The following MAU2 variants were observed in gnomAD, a reference collection of about 807,000 sequenced individuals.
MAU2 encodes MAU2 chromatid cohesion factor homolog.
MAU2 carries 9 observed loss-of-function variants against 89.1 expected under a neutral mutation model. The ratio of observed to expected loss-of-function variants is 0.10; its 90% CI spans 0.06 to 0.18. The LOEUF is 0.18. MAU2 is among the 10% of genes least tolerant of loss of function. MAU2 has a pLI of 1.00. For synonymous variants in MAU2, 357 were observed against 343.4 expected (o/e 1.04, Z -0.44); for missense variants, 425 against 803.5 (o/e 0.53, Z 5.69).
chr19:19,345,485 C>T lies in MAU2; in HGVS notation c.1221+116C>T. ...TAGGTCAGCTATGCAAAGCCGCAGC[C>T]CCAGAGGCAATGCACAGTAGTCAGC... On this transcript the variant is annotated intron_variant, in intron 12 of 18. Coordinates refer to ENST00000262815, the MANE Select transcript of MAU2 (RefSeq NM_015329.4). This position sits in a 1 kb window ranked among gnomAD's most constrained non-coding sequence, Gnocchi z 4.9. 1 of 985,620 alleles carries T rather than the reference C, an allele frequency of 1.0e-6. No individual in the cohort carries two copies. The highest frequency in any genetic ancestry group is 1.6e-6 in the Non-Finnish European group (1 of 634,054). The allele number at this position is 985,620 out of a possible 1,614,324, so 61.1% of individuals were successfully genotyped here. A position where few individuals can be genotyped will look rare whatever the true frequency, so the allele number is the denominator to read the frequency against.
chr19:19,344,951 C>T (rs200693842), intron 11 of MAU2, 25 bp downstream of exon 11: 641 of 1,605,996 alleles, frequency 4.0e-4, no homozygotes, highest in Non-Finnish European at 5.3e-4. Flanking sequence ...GACAACACCC[C>T]GGGAGAATCC....
chr19:19,345,293 C>T lies in MAU2; in HGVS notation c.1156-11C>T, dbSNP rs753184328. On this transcript the variant is annotated splice_polypyrimidine_tract_variant and intron_variant, in intron 11 of 18. Coordinates refer to ENST00000262815, the MANE Select transcript of MAU2 (RefSeq NM_015329.4). This position sits in a 1 kb window ranked among gnomAD's most constrained non-coding sequence, Gnocchi z 4.9. ...GGGGCCGGCCCTGATGACAACACCA[C>T]CTTCTTCCAGGGCCTGTACTGTGTC... The T allele has an allele frequency of 4.3e-6, 7 of 1,613,210 alleles. No individual in the cohort carries two copies. The South Asian group carries it at 7.7e-5, about 18-fold the overall frequency.
At chr19:19,353,021 C>G (rs182658932) in intron 16 of MAU2, 1 of 152,602 alleles carries the variant, frequency 6.6e-6, no homozygotes, top group Non-Finnish European at 1.5e-5. Flanking sequence ...GCAGGGGCTG[C>G]CACAGAGATG....
chr19:19,337,580 C>T (rs1268869029), intron 4 of MAU2, among the ~76,000 whole-genome samples: 1 of 152,216 alleles, frequency 6.6e-6, no homozygotes. Context: ...GTTCCCCTCC[C>T]TCCCAGCCGT....
chr19:19,337,374 G>T (rs535357529), intron 4 of MAU2, 109 bp downstream of exon 4: 2 of 833,116 alleles, frequency 2.4e-6, no homozygotes, highest in Non-Finnish European at 4.0e-6. Flanking sequence ...AGACCCCCTC[G>T]GGCTGGCACA....
chr19:19,325,561 A>G (rs371792005), intron 1 of MAU2, among the ~76,000 whole-genome samples: 99 of 140,498 alleles, frequency 7.0e-4, no homozygotes, highest in African/African-American at 2.5e-3. Context: ...CTCACTGCAT[A>G]CTCCACCTCC....
At position 19,355,712 on chromosome 19, in the gene MAU2, C is replaced by G; in HGVS notation, c.1772C>G (p.Thr591Arg). The G allele has an allele frequency of 6.2e-7, 1 of 1,609,900 alleles. No individual in the cohort carries two copies. Among genetic ancestry groups the G allele is most frequent in the Non-Finnish European group, 8.5e-7 (1 of 1,179,234 alleles). ...SLPEHNLITW[T>R]DGPPPVQFQA... ...CATGTCCTCTCCTCCCCACAGTGGACAGACGGTCCACCCCCCGTGCAGTTC... is the reference window on the plus strand; with the variant it reads ...CATGTCCTCTCCTCCCCACAGTGGAGAGACGGTCCACCCCCCGTGCAGTTC... The change falls in exon 19 of 19, where the codon ACA becomes AGA. Residue 591 changes from threonine (T) to arginine (R), a missense_variant. Around this residue, in one of 11 missense-constraint regions of MAU2, gnomAD observed 42 missense variants for 42.4 expected, o/e 0.99. Coordinates refer to ENST00000262815, the MANE Select transcript of MAU2 (RefSeq NM_015329.4).
chr19:19,344,948 C>T (rs755544796), intron 11 of MAU2, 22 bp downstream of exon 11: 3 of 1,608,594 alleles, frequency 1.9e-6, no homozygotes, highest in African/African-American at 2.7e-5. Flanking sequence ...TGTGACAACA[C>T]CCCGGGAGAA....
In MAU2 at chr19:19,355,979, T is replaced by G. The variant is rs150977551; in HGVS notation, c.*197T>G. On this transcript the variant is annotated 3_prime_UTR_variant, in exon 19 of 19. Transcript: ENST00000262815. Reference sequence around the variant, plus strand: ...TCCCACCTCGCAGCAGGACCCCCAGTGCAGAGGCTCACAGGTGGCACACAG... The same window carrying G: ...TCCCACCTCGCAGCAGGACCCCCAGGGCAGAGGCTCACAGGTGGCACACAG... 529 of 689,356 alleles carry G rather than the reference T, an allele frequency of 7.7e-4. No homozygotes were observed. Among genetic ancestry groups the G allele is most frequent in the Non-Finnish European group, 1.2e-3 (467 of 377,756 alleles). 42.7% of individuals were successfully genotyped at this position (689,356 alleles called of 1,614,324 possible).
Position 19,347,773 on chromosome 19 carries a change from G to T in MAU2, c.1308+407G>T, listed in dbSNP as rs951026476. The T allele has an allele frequency of 1.8e-5, 3 of 164,006 alleles. No homozygotes were observed. The Admixed American group carries it at 1.9e-4, about 10-fold the overall frequency. The allele number at this position is 164,006 out of a possible 1,614,324, so 10.2% of individuals were successfully genotyped here. The stretch of plus-strand genomic sequence containing the variant: ...GCAGGATCAGGGGCACTCACTGGCT[G>T]CAGTGTTGGGTGGGGATGCCCAGGG... On this transcript the variant is annotated intron_variant, in intron 13 of 18. Coordinates refer to ENST00000262815, the MANE Select transcript of MAU2 (RefSeq NM_015329.4).
chr19:19,336,882 G>A (rs1317041990), intron 3 of MAU2, among the ~76,000 whole-genome samples: 5 of 152,210 alleles, frequency 3.3e-5, no homozygotes, highest in African/African-American at 1.2e-4. Context: ...CATAAAAGAA[G>A]GGAACTGGCG....
chr19:19,344,000 C>A, intron 10 of MAU2, 60 bp downstream of exon 10: 1 of 1,392,230 alleles, frequency 7.2e-7, no homozygotes, highest in Non-Finnish European at 1.0e-6. Flanking sequence ...TCAGCAGTGT[C>A]AGACAAGAGA....
At chr19:19,343,992 A>G in intron 10 of MAU2, 52 bp downstream of exon 10, 1 of 1,438,300 alleles carries the variant, frequency 7.0e-7, no homozygotes, top group Non-Finnish European at 9.7e-7. Context: ...GTTGGGTCTC[A>G]GCAGTGTCAG....
At chr19:19,325,986 TCTC>T (rs1555792737) in intron 1 of MAU2, among the ~76,000 whole-genome samples, 1 of 149,946 alleles carries the variant, frequency 6.7e-6, no homozygotes, top group Non-Finnish European at 1.5e-5. Flanking sequence ...TTTCTAATGG[TCTC>T]CTCAACTGCA....
At chr19:19,337,313 C>A (rs769234318) in intron 4 of MAU2, 48 bp downstream of exon 4, 2 of 1,464,234 alleles carry the variant, frequency 1.4e-6, no homozygotes, top group Non-Finnish European at 1.9e-6. Context: ...GGACCATGAC[C>A]CTGGGGCACA....
intron 4 of MAU2, among the ~76,000 whole-genome samples, chr19:19,337,898 C>T (rs999602688): frequency 8.5e-5 from 13 of 152,232 alleles, no homozygotes; most frequent in African/African-American, 3.1e-4. Context: ...TCGGCCTTCC[C>T]GGCTGCAGTG....
chr19:19,331,158 A>G (rs952308034), intron 1 of MAU2, among the ~76,000 whole-genome samples: 3 of 151,922 alleles, frequency 2.0e-5, no homozygotes, highest in African/African-American at 7.3e-5. Flanking sequence ...CTGCTTTGCT[A>G]TCATAAGGAA....
At chr19:19,351,048 AATTTT>A (rs976347280) in intron 16 of MAU2, among the ~76,000 whole-genome samples, 67 of 151,530 alleles carry the variant, frequency 4.4e-4, no homozygotes, top group African/African-American at 1.6e-3. Flanking sequence ...TTTTTAATTT[AATTTT>A]ATTTTTTGAG....
rs1258565836 is a variant in MAU2 at position 19,355,269 on chromosome 19, A to C, written c.1645A>C (p.Asn549His). Reference protein sequence around the residue: ...LWSSALLRDLNKACGNAMDAH... With the variant: ...LWSSALLRDLHKACGNAMDAH... The stretch of plus-strand genomic sequence containing the variant: ...TGCTCATGTCCCACTCTCAGACCTG[A>C]ATAAAGCCTGTGGGAACGCCATGGA... The change falls in exon 18 of 19, where the codon AAT (asparagine) becomes CAT (histidine). Residue 549 changes from asparagine (N) to histidine (H), a missense_variant. By Grantham distance (68) the Asn-to-His change is moderately conservative. Transcript: ENST00000262815. 1.9e-6 allele frequency: 3 copies of C among 1,613,980 alleles called. No individual in the cohort carries two copies. In the Admixed American group the frequency reaches 5.0e-5, roughly 27 times the overall value.
Sources: gnomAD v4.1 joint callset for allele counts (sites outside exome capture counted in the v4.1 genomes callset) on GRCh38, gnomAD v4.1.1 for gene constraint, gnomAD v4.1.1 regional missense constraint, Gnocchi (gnomAD v3.1) non-coding constraint, MANE v1.5 for transcripts, NCBI Gene and HGNC (gene_info 2026-07-23, HGNC 2026-07-21) for gene names.